The following PARD3B variants were observed in gnomAD, a reference collection of about 807,000 sequenced individuals.
The protein encoded by PARD3B is partitioning defective 3 homolog B.
A neutral mutation model predicts 130.2 loss-of-function variants in PARD3B; 103 were observed. The observed-to-expected ratio is 0.79, with a 90% CI of 0.67 to 0.93. The LOEUF (loss-of-function observed/expected upper bound fraction) is 0.93. Among genes scored for constraint, PARD3B ranks in the 40% least tolerant of loss-of-function variants. The pLI, the probability that PARD3B is intolerant of heterozygous loss-of-function variation, is 0.00. For synonymous variants in PARD3B, 583 were observed against 553.2 expected (o/e 1.05, Z -0.76); for missense variants, 1,609 against 1,499.2 (o/e 1.07, Z -1.21).
Position 205,512,855 on chromosome 2 carries a change from C to A in PARD3B, c.3180+12824C>A, listed in dbSNP as rs57988339. On this transcript the variant is annotated intron_variant, in intron 21 of 22. Transcript: ENST00000406610. ...TGGCCCACTCTATAGTATTAGATAC[C>A]CCCAAACCATGTGGAGACACCTCCT... is the stretch of plus-strand genomic sequence containing the variant. Among the ~76,000 whole-genome samples, 1,319 of 152,136 alleles carry A rather than the reference C, an allele frequency of 8.7e-3. 17 individuals carry two copies. Among genetic ancestry groups the A allele is most frequent in the African/African-American group, 0.03 (1,242 of 41,522 alleles).
chr2:205,285,545 C>G (rs965825334), intron 16 of PARD3B, among the ~76,000 whole-genome samples: 9 of 152,076 alleles, frequency 5.9e-5, no homozygotes, highest in African/African-American at 1.9e-4. Flanking sequence ...TTGGTCTTTT[C>G]CCATTCTCTC....
At chr2:204,666,205 G>C (rs888477089) in intron 1 of PARD3B, among the ~76,000 whole-genome samples, 2 of 152,046 alleles carry the variant, frequency 1.3e-5, no homozygotes, top group East Asian at 1.9e-4. Context: ...TAATCATAGA[G>C]GCAAAATGAA....
intron 21 of PARD3B, among the ~76,000 whole-genome samples, chr2:205,511,388 AG>A (rs2050583151): frequency 6.6e-6 from 1 of 152,238 alleles, no homozygotes; most frequent in Admixed American, 6.5e-5. Context: ...AGTGAAAAAA[AG>A]AACTCTTTCT....
intron 18 of PARD3B, among the ~76,000 whole-genome samples, chr2:205,339,538 C>G (rs1367530454): frequency 6.6e-6 from 1 of 152,162 alleles, no homozygotes; most frequent in Non-Finnish European, 1.5e-5. Flanking sequence ...TTGGTTTTAA[C>G]TAGTTTTTCA....
intron 1 of PARD3B, among the ~76,000 whole-genome samples, chr2:204,601,409 T>A (rs1412130998): frequency 6.6e-6 from 1 of 152,042 alleles, no homozygotes; most frequent in Non-Finnish European, 1.5e-5. Context: ...AGATGGTGAT[T>A]GCTATATTGT....
At chr2:205,613,054 A>G (rs982819002) in intron 22 of PARD3B, among the ~76,000 whole-genome samples, 7 of 152,242 alleles carry the variant, frequency 4.6e-5, no homozygotes, top group Admixed American at 6.5e-5. Flanking sequence ...CCTGTCTTTT[A>G]TAATGCTCTG....
chr2:205,379,061 A>G (rs1372829481), intron 18 of PARD3B, among the ~76,000 whole-genome samples: 1 of 151,952 alleles, frequency 6.6e-6, no homozygotes, highest in African/African-American at 2.4e-5. Context: ...CACGAAAAAA[A>G]CTCTGAGAAA....
intron 19 of PARD3B, among the ~76,000 whole-genome samples, chr2:205,406,489 G>GA (rs2046419004): frequency 6.6e-6 from 1 of 151,754 alleles, no homozygotes; most frequent in African/African-American, 2.4e-5. Context: ...ATAAATATTG[G>GA]ACTAGATCAG....
chr2:205,004,822 A>C (rs16836835), intron 3 of PARD3B, among the ~76,000 whole-genome samples: 1,744 of 152,270 alleles, frequency 0.011, 25 homozygotes, highest in African/African-American at 0.038. Context: ...CGTTGGTTCA[A>C]CCTGATGTGC....
At chr2:205,395,463 C>T (rs1437420209) in intron 18 of PARD3B, among the ~76,000 whole-genome samples, 1 of 152,178 alleles carries the variant, frequency 6.6e-6, no homozygotes, top group African/African-American at 2.4e-5. Context: ...GCTGTTCTTT[C>T]TCTATCTCTG....
intron 2 of PARD3B, among the ~76,000 whole-genome samples, chr2:204,878,412 CA>C (rs1486403907): frequency 3.9e-5 from 6 of 152,024 alleles, no homozygotes; most frequent in Non-Finnish European, 1.5e-5. Flanking sequence ...AAAACCAGAG[CA>C]ATGATTTTGA....
At chr2:204,814,681 A>G (rs1275375232) in intron 2 of PARD3B, among the ~76,000 whole-genome samples, 1 of 151,852 alleles carries the variant, frequency 6.6e-6, no homozygotes, top group Non-Finnish European at 1.5e-5. Context: ...ACCGTTGAGT[A>G]AAATATTAGC....
intron 2 of PARD3B, among the ~76,000 whole-genome samples, chr2:204,788,808 T>C (rs2042098956): frequency 6.6e-6 from 1 of 152,182 alleles, no homozygotes; most frequent in Non-Finnish European, 1.5e-5. Flanking sequence ...TAATTATGGA[T>C]ATATTTTTCA....
At chr2:205,132,715 GTGAATCCCTGCTTTGCAAT>G (rs1287640388) in intron 10 of PARD3B, among the ~76,000 whole-genome samples, 3 of 152,132 alleles carry the variant, frequency 2.0e-5, no homozygotes, top group African/African-American at 7.2e-5. Flanking sequence ...TGGCCTGGAT[GTGAATCCCTGCTTTGCAAT>G]TTCATTTAGC....
At chr2:205,103,534 A>G (rs1235454446) in intron 4 of PARD3B, among the ~76,000 whole-genome samples, 2 of 152,320 alleles carry the variant, frequency 1.3e-5, no homozygotes, top group East Asian at 3.9e-4. Flanking sequence ...ATTCAGATGC[A>G]TAAATGCTGT....
At chr2:204,707,933 C>G (rs138192678) in intron 2 of PARD3B, among the ~76,000 whole-genome samples, 78 of 152,194 alleles carry the variant, frequency 5.1e-4, no homozygotes, top group Admixed American at 8.5e-4. Context: ...CGGGGAGACC[C>G]TGGCATGGGA....
At chr2:205,608,756 T>C (rs1245374828) in intron 22 of PARD3B, among the ~76,000 whole-genome samples, 35 of 152,234 alleles carry the variant, frequency 2.3e-4, no homozygotes, top group Admixed American at 2.3e-3. Context: ...CACACGCAGT[T>C]TGTTAATAAC....
intron 1 of PARD3B, among the ~76,000 whole-genome samples, chr2:204,554,653 G>A (rs1235882338): frequency 3.3e-5 from 5 of 150,434 alleles, no homozygotes; most frequent in Non-Finnish European, 7.4e-5. Context: ...TTCTGCCCCC[G>A]AGACTCCCAC....
At chr2:204,798,896 A>G (rs2042467508) in intron 2 of PARD3B, among the ~76,000 whole-genome samples, 1 of 151,998 alleles carries the variant, frequency 6.6e-6, no homozygotes, top group Non-Finnish European at 1.5e-5. Flanking sequence ...AGTACTTGCC[A>G]TGGGCCTTGG....
Sources: allele counts gnomAD v4.1 joint callset (sites outside exome capture counted in the v4.1 genomes callset), GRCh38; gene constraint gnomAD v4.1.1; transcripts MANE v1.5; gene names NCBI Gene and HGNC (gene_info 2026-07-23, HGNC 2026-07-21).